GFM1: variants seen among roughly 807,000 people sequenced by gnomAD.
GFM1 encodes the protein elongation factor G, mitochondrial.
A neutral mutation model predicts 96.2 loss-of-function variants in GFM1; 62 were observed. The observed-to-expected ratio is 0.64, with a 90% CI of 0.53 to 0.80. GFM1 has a LOEUF of 0.80. Among genes scored for constraint, GFM1 ranks in the 30% least tolerant of loss-of-function variants. GFM1 has a pLI of 0.00. For missense variants in GFM1, 852 were observed against 916.6 expected, an observed-to-expected ratio of 0.93 and a Z score of 0.91; for synonymous variants, 282 against 312.9, an observed-to-expected ratio of 0.90 and a Z score of 1.04.
In GFM1 at chr3:158,682,148, T is replaced by C. The variant is rs1374849291; in HGVS notation, c.1755T>C (p.Ala585=). ...ATATTCCAAAGCAGTTTGTGCCTGC[T>C]GTAGAAAAGGTAAATTTTTAAAAAA... ...GSNIPKQFVP[A]VEKGFLDACE... is the part of the protein sequence containing the mutation. The change falls in exon 14 of 18, where the codon GCT becomes GCC. Residue 585 remains alanine (A), a synonymous_variant. Transcript: ENST00000486715. The C allele has an allele frequency of 6.2e-7, 1 of 1,613,276 alleles. No individual in the cohort carries two copies. The highest frequency in any genetic ancestry group is 1.3e-5 in the African/African-American group (1 of 74,924).
intron 14 of GFM1, among the ~76,000 whole-genome samples, chr3:158,684,099 G>A (rs1448162850): frequency 6.6e-6 from 1 of 152,046 alleles, no homozygotes; most frequent in Non-Finnish European, 1.5e-5. Context: ...ACTAACACAG[G>A]AATAAAAAAC....
At chr3:158,646,628 C>T (rs527766249) in intron 3 of GFM1, 115 bp from the exon 4 acceptor site, 1 of 960,838 alleles carries the variant, frequency 1.0e-6, no homozygotes, top group South Asian at 1.4e-5. Context: ...GCTCAGGAAT[C>T]TACATTCTTA....
Position 158,666,399 on chromosome 3 carries a change from C to T in GFM1, c.1601+13C>T, listed in dbSNP as rs199671232. The T allele has an allele frequency of 1.6e-5, 26 of 1,603,622 alleles. No homozygotes were observed. The highest frequency in any genetic ancestry group is 2.7e-5 in the African/African-American group (2 of 74,708). On this transcript the variant is annotated intron_variant, in intron 13 of 17. Coordinates refer to ENST00000486715, the MANE Select transcript of GFM1 (RefSeq NM_024996.7). Reference sequence around the variant, plus strand: ...CTGCCCCTGTCCCGTAAGTATGCAACGTAATTAAACATTATGAGGCTGAAA... The same window carrying T: ...CTGCCCCTGTCCCGTAAGTATGCAATGTAATTAAACATTATGAGGCTGAAA...
At chr3:158,654,788 G>A (rs1377467966) in intron 8 of GFM1, among the ~76,000 whole-genome samples, 157 bp downstream of exon 8, 1 of 152,188 alleles carries the variant, frequency 6.6e-6, no homozygotes, top group African/African-American at 2.4e-5. Context: ...TGACATGATA[G>A]TTCTTTTGTT....
rs1385696946 is a variant in GFM1 at position 158,654,602 on chromosome 3, C to T, written c.1054C>T (p.Pro352Ser). 8 of 1,612,628 alleles carry T rather than the reference C, an allele frequency of 5.0e-6. No homozygotes were observed. Among genetic ancestry groups the T allele is most frequent in the Non-Finnish European group, 5.9e-6 (7 of 1,178,928 alleles). ...GAACTCCAGTAGAGACAATTCCCAC[C>T]CATTTGTAGGCCTGGCTTTTAAACT... Reference protein sequence around the residue: ...LMNSSRDNSHPFVGLAFKLEV... With the variant: ...LMNSSRDNSHSFVGLAFKLEV... Residue 352 changes from proline (P) to serine (S), a missense_variant, in exon 8 of 18, where the codon CCA becomes TCA. Transcript: ENST00000486715.
rs766011688 is a variant in GFM1, at chr3:158,673,508, C to CTTTTTTTTT, written c.1601+7134_1601+7142dup. ...TTGAGACCTTTTTTTCTTTTCTTTT[C>CTTTTTTTTT]TTTTTTTTTTTTTTTTTTTTGAGAT... is the stretch of plus-strand genomic sequence containing the variant. On this transcript the variant is annotated intron_variant, in intron 13 of 17. Coordinates refer to ENST00000486715, the MANE Select transcript of GFM1 (RefSeq NM_024996.7). Among the ~76,000 whole-genome samples the CTTTTTTTTT allele has an allele frequency of 3.6e-4, 41 of 114,262 alleles. 1 individual carries two copies. Among genetic ancestry groups the CTTTTTTTTT allele is most frequent in the African/African-American group, 5.0e-4 (14 of 28,040 alleles). 75.0% of individuals were successfully genotyped at this position (114,262 alleles called of 152,430 possible).
In GFM1 at chr3:158,653,341, C is replaced by G; in HGVS notation, c.872C>G (p.Ser291Ter). ...ATTCGAAGAGCTACTCTGAAAAGAT[C>G]ATTTACTCCTGTATTTTTGGGAAGC... ...LAIRRATLKR[S>*]FTPVFLGSAL... Residue 291 changes from serine (S) to a stop codon, truncating the protein, a stop_gained, in exon 7 of 18, where the codon TCA becomes TGA. Coordinates refer to ENST00000486715, the MANE Select transcript of GFM1 (RefSeq NM_024996.7). LOFTEE classifies it high-confidence loss of function. 6.2e-7 allele frequency: 1 copy of G among 1,613,486 alleles called. No individual in the cohort carries two copies. Among genetic ancestry groups the G allele is most frequent in the Non-Finnish European group, 8.5e-7 (1 of 1,179,572 alleles).
In GFM1 at chr3:158,644,664, G is replaced by A; in HGVS notation, c.30G>A (p.Ala10=). The A allele has an allele frequency of 1.3e-6, 2 of 1,577,600 alleles. No individual in the cohort carries two copies. The highest frequency in any genetic ancestry group is 1.7e-6 in the Non-Finnish European group (2 of 1,162,426). The change falls in exon 1 of 18, where the codon GCG becomes GCA. Residue 10 remains alanine, a synonymous_variant. Transcript: ENST00000486715. ...GACTCCTGGGAGCTGCAGCCGTCGC[G>A]GCTCTGGGGCGCGGAAGGGCCCCCG... The part of the protein sequence containing the change: MRLLGAAAV[A]ALGRGRAPAS...
In GFM1 at chr3:158,684,430, C is replaced by T. The variant is rs143940766; in HGVS notation, c.1765-94C>T. 1,156 of 1,267,626 alleles carry T rather than the reference C, an allele frequency of 9.1e-4. 8 individuals are homozygous for T. In the African/African-American group the frequency reaches 0.013, roughly 14 times the overall value. 78.5% of individuals were successfully genotyped at this position (1,267,626 alleles called of 1,614,324 possible). ...GGGTGAAATACAGCACACATAAAAA[C>T]GTACACTTCTGAACACAAATATTTT... On this transcript the variant is annotated intron_variant, in intron 14 of 17. Transcript: ENST00000486715.
chr3:158,652,716 A>G (rs1264836990), intron 6 of GFM1, among the ~76,000 whole-genome samples: 1 of 152,222 alleles, frequency 6.6e-6, no homozygotes, highest in Non-Finnish European at 1.5e-5. Flanking sequence ...AGAGATTTGT[A>G]CTGTTTGGCT....
At chr3:158,644,858 A>G (rs1576718877) in intron 1 of GFM1, 143 bp downstream of exon 1, 3 of 731,624 alleles carry the variant, frequency 4.1e-6, no homozygotes, top group Non-Finnish European at 7.4e-6. Flanking sequence ...GCTGAAAAGC[A>G]CCTCGGTGCC....
chr3:158,684,381 C>T (rs1425264193), intron 14 of GFM1, 143 bp from the exon 15 acceptor site: 12 of 785,994 alleles, frequency 1.5e-5, no homozygotes, highest in Non-Finnish European at 2.3e-5. Context: ...AGTTGTTAAA[C>T]ATTTTTAAAA....
chr3:158,682,327 A>T, intron 14 of GFM1, 170 bp downstream of exon 14: 1 of 611,906 alleles, frequency 1.6e-6, no homozygotes, highest in Non-Finnish European at 2.9e-6. Context: ...TAATTCATTA[A>T]GCAGAAGAGC....
At chr3:158,648,485 T>C (rs541372085) in intron 4 of GFM1, among the ~76,000 whole-genome samples, 1 of 152,198 alleles carries the variant, frequency 6.6e-6, no homozygotes, top group Admixed American at 6.5e-5. Context: ...AAGACCAGCC[T>C]GGTCAACATA....
Position 158,691,189 on chromosome 3 carries a change from A to C in GFM1, c.2121A>C (p.Thr707=), listed in dbSNP as rs564186705. The C allele has an allele frequency of 3.7e-6, 6 of 1,612,154 alleles. No homozygotes were observed. In the South Asian group the frequency reaches 6.6e-5, roughly 18 times the overall value. ...ATTCCACTGAACTTAGGTCATGCAC[A>C]GAGGTAGGCAAATTTAAACTTACCC... The part of the protein sequence containing the change: ...FGYSTELRSC[T]EGKGEYTMEY... Residue 707 remains threonine, a synonymous_variant, in exon 17 of 18, where the codon ACA becomes ACC. Coordinates refer to ENST00000486715, the MANE Select transcript of GFM1 (RefSeq NM_024996.7).
chr3:158,645,507 C>G, intron 1 of GFM1, 122 bp from the exon 2 acceptor site: 2 of 845,334 alleles, frequency 2.4e-6, no homozygotes, highest in Non-Finnish European at 4.0e-6. Flanking sequence ...TGGTGCCTTT[C>G]TCAAGCTATC....
At chr3:158,656,143 T>G (rs1020956953) in intron 8 of GFM1, 7 of 85,460 alleles carry the variant, frequency 8.2e-5, no homozygotes, top group Admixed American at 1.9e-4. Context: ...TTGTTTTTGT[T>G]TTTTTTTGTT....
At chr3:158,679,921 C>G (rs1391729391) in intron 13 of GFM1, among the ~76,000 whole-genome samples, 2 of 152,122 alleles carry the variant, frequency 1.3e-5, no homozygotes, top group Admixed American at 6.6e-5. Context: ...TATATCAAAG[C>G]TAGTAACATA....
rs1461439815 is a variant in GFM1 at position 158,694,108 on chromosome 3, T to A, written c.*2641T>A. ...ATACCCAAAGGAACGTAAATCATTCTATTATAAAGACACATGCATGCACAC... is the reference window on the plus strand; with the variant it reads ...ATACCCAAAGGAACGTAAATCATTCAATTATAAAGACACATGCATGCACAC... On this transcript the variant is annotated 3_prime_UTR_variant, in exon 18 of 18. Transcript: ENST00000486715. 1.3e-5 allele frequency among the ~76,000 whole-genome samples: 2 copies of A among 152,158 alleles called. No individual in the cohort carries two copies. The highest frequency in any genetic ancestry group is 4.8e-5 in the African/African-American group (2 of 41,428).
Sources: allele counts gnomAD v4.1 joint callset (sites outside exome capture counted in the v4.1 genomes callset), GRCh38; gene constraint gnomAD v4.1.1; transcripts MANE v1.5; gene names NCBI Gene and HGNC (gene_info 2026-07-23, HGNC 2026-07-21).